EDN3: variants seen among roughly 807,000 people sequenced by gnomAD.
EDN3 encodes the protein endothelin-3.
Under a neutral mutation model 21.4 loss-of-function variants are expected in EDN3, and 9 were observed. The ratio of observed to expected loss-of-function variants is 0.42; its 90% CI spans 0.25 to 0.73. EDN3 has a LOEUF of 0.73. EDN3 is among the 30% of genes least tolerant of loss of function. The pLI, the probability that EDN3 is intolerant of heterozygous loss-of-function variation, is 0.26. For missense variants in EDN3, 327 were observed against 309.4 expected, an observed-to-expected ratio of 1.06 and a Z score of -0.43; for synonymous variants, 133 against 126.2, an observed-to-expected ratio of 1.05 and a Z score of -0.36.
Position 59,308,176 on chromosome 20 carries a change from T to C in EDN3, c.365+6454T>C, listed in dbSNP as rs11570290. Among the ~76,000 whole-genome samples the C allele has an allele frequency of 9.3e-3, 1,410 of 152,200 alleles. 27 individuals are homozygous for C. Among genetic ancestry groups the C allele is most frequent in the African/African-American group, 0.032 (1,348 of 41,514 alleles). ...CACTCCAAGCAAACCAGAAGGTTTG[T>C]CCTGATGTCAGAGATGCTGGGACAG... On this transcript the variant is annotated intron_variant, in intron 2 of 4. Transcript: ENST00000337938.
intron 4 of EDN3, among the ~76,000 whole-genome samples, chr20:59,323,120 C>A (rs761037907): frequency 1.3e-5 from 2 of 152,048 alleles, no homozygotes; most frequent in African/African-American, 4.8e-5. Context: ...AGAGACTGAT[C>A]GAGGGAAGAT....
intron 1 of EDN3, 92 bp downstream of exon 1, chr20:59,300,956 G>T (rs1988965863): frequency 4.1e-6 from 6 of 1,461,276 alleles, no homozygotes; most frequent in Non-Finnish European, 5.6e-6. Flanking sequence ...GATGTGCGTC[G>T]CGGGGAGCAA....
intron 2 of EDN3, among the ~76,000 whole-genome samples, chr20:59,313,151 T>C (rs1334789554): frequency 6.6e-6 from 1 of 152,230 alleles, no homozygotes; most frequent in Admixed American, 6.5e-5. Flanking sequence ...GAATGTCATA[T>C]GTTTGGGACA....
Position 59,322,603 on chromosome 20 carries a change from C to A in EDN3, c.588+186C>A. Reference sequence around the variant, plus strand: ...TGGTGGACCGTTTCTGGGGGCAGAGCGGGCTGAAGCTGTGGACAGCTGCTG... The same window carrying A: ...TGGTGGACCGTTTCTGGGGGCAGAGAGGGCTGAAGCTGTGGACAGCTGCTG... On this transcript the variant is annotated intron_variant, in intron 4 of 4. Transcript: ENST00000337938. The surrounding 1 kb of genome is among the most constrained non-coding windows in gnomAD (Gnocchi z 4.1). 6 of 815,794 alleles carry A rather than the reference C, an allele frequency of 7.4e-6. No individual in the cohort carries two copies. The highest frequency in any genetic ancestry group is 1.5e-5 in the South Asian group (1 of 64,918). The allele number at this position is 815,794 out of a possible 1,614,324, so 50.5% of individuals were successfully genotyped here. A position where few individuals can be genotyped will look rare whatever the true frequency, so the allele number is the denominator to read the frequency against.
chr20:59,322,305 T>G lies in EDN3; in HGVS notation c.543-67T>G. The G allele has an allele frequency of 6.3e-7, 1 of 1,583,038 alleles. No homozygotes were observed. The highest frequency in any genetic ancestry group is 8.7e-7 in the Non-Finnish European group (1 of 1,151,942). ...TTGGTGGGGAAGAGGAAGTCATAAT[T>G]TGACACCGAAAAACCAGCCACAGGG... On this transcript the variant is annotated intron_variant, in intron 3 of 4. Coordinates refer to ENST00000337938, the MANE Select transcript of EDN3 (RefSeq NM_207034.3). This position sits in a 1 kb window ranked among gnomAD's most constrained non-coding sequence, Gnocchi z 4.1.
At chr20:59,308,313 G>C (rs1989565643) in intron 2 of EDN3, among the ~76,000 whole-genome samples, 1 of 152,196 alleles carries the variant, frequency 6.6e-6, no homozygotes, top group Admixed American at 6.5e-5. Context: ...CTGTCTTCTT[G>C]CTTCTTGGTG....
intron 2 of EDN3, among the ~76,000 whole-genome samples, chr20:59,316,688 T>C (rs545798429): frequency 7.2e-5 from 11 of 152,286 alleles, no homozygotes; most frequent in East Asian, 5.8e-4. Flanking sequence ...ATATGAGAGA[T>C]TGGGGAATTT....
chr20:59,321,537 AC>A (rs1228643492), intron 3 of EDN3, among the ~76,000 whole-genome samples: 2 of 152,152 alleles, frequency 1.3e-5, no homozygotes, highest in Non-Finnish European at 2.9e-5. Flanking sequence ...TGAAGAATTA[AC>A]CCCTGCCAAA....
chr20:59,322,308 A>C lies in EDN3; in HGVS notation c.543-64A>C. The C allele has an allele frequency of 1.9e-6, 3 of 1,587,500 alleles. No individual in the cohort carries two copies. Among genetic ancestry groups the C allele is most frequent in the Non-Finnish European group, 2.6e-6 (3 of 1,155,834 alleles). On this transcript the variant is annotated intron_variant, in intron 3 of 4. Transcript: ENST00000337938. This position sits in a 1 kb window ranked among gnomAD's most constrained non-coding sequence, Gnocchi z 4.1. ...GTGGGGAAGAGGAAGTCATAATTTG[A>C]CACCGAAAAACCAGCCACAGGGAAA...
At chr20:59,306,253 T>C (rs779733312) in intron 2 of EDN3, among the ~76,000 whole-genome samples, 8 of 152,148 alleles carry the variant, frequency 5.3e-5, no homozygotes, top group South Asian at 2.1e-4. Context: ...GGGCAGGATG[T>C]TGGGAATCAT....
intron 2 of EDN3, among the ~76,000 whole-genome samples, chr20:59,304,024 C>T (rs1184122529): frequency 1.3e-5 from 2 of 152,066 alleles, no homozygotes; most frequent in Admixed American, 1.3e-4. Flanking sequence ...CCCTCCCTTC[C>T]TGCCTCCCTC....
chr20:59,310,868 C>T, intron 2 of EDN3, among the ~76,000 whole-genome samples: 1 of 152,200 alleles, frequency 6.6e-6, no homozygotes, highest in Non-Finnish European at 1.5e-5. Flanking sequence ...CTACATGAGA[C>T]AGCAGAGGTC....
In EDN3 at chr20:59,305,928, C is replaced by T. The variant is rs146393398; in HGVS notation, c.365+4206C>T. Among the ~76,000 whole-genome samples, 3 of 152,280 alleles carry T rather than the reference C, an allele frequency of 2.0e-5. No individual in the cohort carries two copies. The highest frequency in any genetic ancestry group is 3.9e-4 in the East Asian group (2 of 5,186). On this transcript the variant is annotated intron_variant, in intron 2 of 4. Coordinates refer to ENST00000337938, the MANE Select transcript of EDN3 (RefSeq NM_207034.3). This position sits in a 1 kb window ranked among gnomAD's most constrained non-coding sequence, Gnocchi z 4.2. ...TTGACTAAACAACTGGGCACAGTAT[C>T]CTAGCCAAGTTGACACCTAAAGTGA... is the stretch of plus-strand genomic sequence containing the variant.
chr20:59,307,824 G>A (rs931160991), intron 2 of EDN3, among the ~76,000 whole-genome samples: 6 of 151,610 alleles, frequency 4.0e-5, no homozygotes, highest in Non-Finnish European at 5.9e-5. Context: ...CCACAGGTGC[G>A]TGTCACCATG....
intron 3 of EDN3, among the ~76,000 whole-genome samples, chr20:59,321,411 CT>C: frequency 6.6e-6 from 1 of 152,316 alleles, no homozygotes; most frequent in Middle Eastern, 3.4e-3. Flanking sequence ...CCCTTGCTGC[CT>C]TTTGGAACAG....
intron 1 of EDN3, among the ~76,000 whole-genome samples, chr20:59,301,090 T>G (rs556247138): frequency 6.6e-6 from 1 of 152,350 alleles, no homozygotes; most frequent in Non-Finnish European, 1.5e-5. Context: ...GGAGACCTGC[T>G]GCCTGGGCCG....
intron 2 of EDN3, among the ~76,000 whole-genome samples, chr20:59,307,921 G>A (rs1400455134): frequency 6.6e-6 from 1 of 150,814 alleles, no homozygotes; most frequent in Non-Finnish European, 1.5e-5. Context: ...CTTTTTGATA[G>A]TGATGATTCA....
chr20:59,322,561 A>G lies in EDN3; in HGVS notation c.588+144A>G. ...CCAGATCTCATGGGATGCTGCACCCACAAGCAATGGTGCCTTTGGTGGACC... is the reference window on the plus strand; with the variant it reads ...CCAGATCTCATGGGATGCTGCACCCGCAAGCAATGGTGCCTTTGGTGGACC... On this transcript the variant is annotated intron_variant, in intron 4 of 4. Coordinates refer to ENST00000337938, the MANE Select transcript of EDN3 (RefSeq NM_207034.3). The surrounding 1 kb of genome is among the most constrained non-coding windows in gnomAD (Gnocchi z 4.1). 1 of 1,111,548 alleles carries G rather than the reference A, an allele frequency of 9.0e-7. No individual in the cohort carries two copies. The highest frequency in any genetic ancestry group is 1.3e-6 in the Non-Finnish European group (1 of 742,168). The allele number at this position is 1,111,548 out of a possible 1,614,324, so 68.9% of individuals were successfully genotyped here.
rs541132375 is a variant in EDN3 at position 59,302,488 on chromosome 20, G to C, written c.365+766G>C. On this transcript the variant is annotated intron_variant, in intron 2 of 4. Transcript: ENST00000337938. Reference sequence around the variant, plus strand: ...TCCTGGGGCCATGTGGAGAGAGTGTGGCTCTGACAGGGGGAGGCTTTGATG... The same window carrying C: ...TCCTGGGGCCATGTGGAGAGAGTGTCGCTCTGACAGGGGGAGGCTTTGATG... 2.0e-5 allele frequency among the ~76,000 whole-genome samples: 3 copies of C among 152,258 alleles called. No individual in the cohort carries two copies. The East Asian group carries it at 5.8e-4, about 29-fold the overall frequency.
Sources: gnomAD v4.1 joint callset for allele counts (sites outside exome capture counted in the v4.1 genomes callset) on GRCh38, gnomAD v4.1.1 for gene constraint, Gnocchi (gnomAD v3.1) non-coding constraint, MANE v1.5 for transcripts, NCBI Gene and HGNC (gene_info 2026-07-23, HGNC 2026-07-21) for gene names.